Variants in CDH4 observed in about 807,000 individuals in gnomAD.
The protein encoded by CDH4 is cadherin 4, also known as cadherin-4.
A neutral mutation model predicts 86.0 loss-of-function variants in CDH4; 33 were observed. The ratio of observed to expected loss-of-function variants is 0.38; its 90% confidence interval spans 0.29 to 0.51. The LOEUF (loss-of-function observed/expected upper bound fraction) is 0.51. CDH4 is among the 20% of genes least tolerant of loss of function. The pLI, the probability that CDH4 is intolerant of heterozygous loss-of-function variation, is 0.86. For synonymous variants in CDH4, 555 were observed against 549.4 expected (o/e 1.01, Z -0.14); for missense variants, 1,114 against 1,307.4 (o/e 0.85, Z 2.28).
chr20:61,662,534 T>G (rs2087270023), intron 2 of CDH4, among the ~76,000 whole-genome samples: 1 of 152,028 alleles, frequency 6.6e-6, no homozygotes, highest in Admixed American at 6.5e-5. Flanking sequence ...AGCTGGGGGC[T>G]GGGGGGCACA....
At chr20:61,455,290 AG>A (rs1370612454) in intron 2 of CDH4, among the ~76,000 whole-genome samples, 1 of 152,248 alleles carries the variant, frequency 6.6e-6, no homozygotes, top group African/African-American at 2.4e-5. Flanking sequence ...CACAGCCACA[AG>A]GTCTATGGCT....
Position 61,623,588 on chromosome 20 carries a change from G to A in CDH4, c.170-119975G>A, listed in dbSNP as rs990790201. ...TCATCAAGAGCTAGACCCAGCGGCC[G>A]TGTTGTCTTTCCTCTACATGAGCAT... On this transcript the variant is annotated intron_variant, in intron 2 of 15. Transcript: ENST00000614565. This position sits in a 1 kb window ranked among gnomAD's most constrained non-coding sequence, Gnocchi z 4.4. 1.3e-5 allele frequency among the ~76,000 whole-genome samples: 2 copies of A among 152,136 alleles called. No individual in the cohort carries two copies. Among genetic ancestry groups the A allele is most frequent in the African/African-American group, 2.4e-5 (1 of 41,422 alleles).
chr20:61,354,366 AC>A, intron 2 of CDH4, among the ~76,000 whole-genome samples: 1 of 152,104 alleles, frequency 6.6e-6, no homozygotes, highest in African/African-American at 2.4e-5. Context: ...TGGCAACGTG[AC>A]CTCTCTGAAC....
intron 2 of CDH4, among the ~76,000 whole-genome samples, chr20:61,352,648 G>T (rs961596940): frequency 1.3e-5 from 2 of 152,194 alleles, no homozygotes; most frequent in African/African-American, 2.4e-5. Flanking sequence ...GCCGTTTCGT[G>T]TTTGAGCCTG....
chr20:61,500,904 G>A (rs1405154332), intron 2 of CDH4, among the ~76,000 whole-genome samples: 1 of 152,232 alleles, frequency 6.6e-6, no homozygotes, highest in Non-Finnish European at 1.5e-5. Flanking sequence ...CGCTCTTGAT[G>A]TGGAGGCAGG....
chr20:61,928,494 C>T, intron 12 of CDH4, 71 bp downstream of exon 12: 1 of 1,383,312 alleles, frequency 7.2e-7, no homozygotes, highest in Non-Finnish European at 1.0e-6. Context: ...ACCCAGCTGG[C>T]CTTGGAAGAG....
At chr20:61,489,259 A>G (rs2085612796) in intron 2 of CDH4, among the ~76,000 whole-genome samples, 1 of 152,266 alleles carries the variant, frequency 6.6e-6, no homozygotes, top group East Asian at 1.9e-4. Context: ...CTCCTGTTTG[A>G]GCAGATAGAA....
At chr20:61,430,255 G>A (rs773058888) in intron 2 of CDH4, among the ~76,000 whole-genome samples, 2 of 152,132 alleles carry the variant, frequency 1.3e-5, no homozygotes, top group African/African-American at 2.4e-5. Flanking sequence ...TGATTTTTAG[G>A]GCATGCCTTC....
chr20:61,564,987 G>A (rs1053396332), intron 2 of CDH4, among the ~76,000 whole-genome samples: 7 of 149,902 alleles, frequency 4.7e-5, no homozygotes, highest in Non-Finnish European at 8.9e-5. Context: ...TCACAGGAAA[G>A]CAGCCACCTG....
chr20:61,902,920 G>A lies in CDH4; in HGVS notation c.1189-7502G>A, dbSNP rs993278985. The stretch of plus-strand genomic sequence containing the variant: ...TGTAGCTCCAGCTACATGGGAGGCC[G>A]AGGCAGGAGGATCACTTGAGCCCAG... On this transcript the variant is annotated intron_variant, in intron 8 of 15. Transcript: ENST00000614565. The surrounding 1 kb of genome is among the most constrained non-coding windows in gnomAD (Gnocchi z 4.6). 1.3e-5 allele frequency among the ~76,000 whole-genome samples: 2 copies of A among 151,576 alleles called. No individual in the cohort carries two copies. The highest frequency in any genetic ancestry group is 4.9e-5 in the African/African-American group (2 of 41,108).
chr20:61,381,925 G>A (rs8115696), intron 2 of CDH4, among the ~76,000 whole-genome samples: 36,501 of 150,448 alleles, frequency 0.24, 4,796 homozygotes, highest in African/African-American at 0.34. Context: ...AAATACAAAA[G>A]ATTAGCCAGG....
chr20:61,934,879 C>CCTTCCAT (rs2055161516), intron 15 of CDH4, among the ~76,000 whole-genome samples: 1 of 152,274 alleles, frequency 6.6e-6, no homozygotes. Flanking sequence ...CACACCCCAG[C>CCTTCCAT]CTTCCATCTT....
intron 2 of CDH4, among the ~76,000 whole-genome samples, chr20:61,295,233 T>G (rs1421975267): frequency 6.6e-6 from 1 of 152,212 alleles, no homozygotes; most frequent in Non-Finnish European, 1.5e-5. Context: ...TCCTGGAAAA[T>G]TTTTTAATTT....
At chr20:61,520,022 T>C (rs1475477) in intron 2 of CDH4, among the ~76,000 whole-genome samples, 91,796 of 152,110 alleles carry the variant, frequency 0.6, 30,625 homozygotes, top group African/African-American at 0.9. Flanking sequence ...ACACACAGAC[T>C]TGCGTGTGTC....
At chr20:61,609,011 C>G (rs2086664961) in intron 2 of CDH4, among the ~76,000 whole-genome samples, 1 of 152,230 alleles carries the variant, frequency 6.6e-6, no homozygotes, top group Admixed American at 6.5e-5. Context: ...GCACAAGACC[C>G]TGAGCTCAGT....
At chr20:61,530,729 G>A (rs1463639530) in intron 2 of CDH4, among the ~76,000 whole-genome samples, 2 of 152,258 alleles carry the variant, frequency 1.3e-5, no homozygotes, top group Admixed American at 6.5e-5. Flanking sequence ...CGTGGATGCT[G>A]GATCCAGGAG....
At chr20:61,345,507 G>A (rs2084673774) in intron 2 of CDH4, among the ~76,000 whole-genome samples, 1 of 152,230 alleles carries the variant, frequency 6.6e-6, no homozygotes, top group South Asian at 2.1e-4. Context: ...GTGAGGACAA[G>A]GTAACCATGC....
At chr20:61,925,765 C>G (rs1189925901) in intron 11 of CDH4, among the ~76,000 whole-genome samples, 1 of 152,210 alleles carries the variant, frequency 6.6e-6, no homozygotes, top group Non-Finnish European at 1.5e-5. Flanking sequence ...CTGGGGCATC[C>G]TGACTGTGCC....
chr20:61,329,475 T>TTTAA (rs1167421178), intron 2 of CDH4, among the ~76,000 whole-genome samples: 1 of 136,670 alleles, frequency 7.3e-6, no homozygotes, highest in Non-Finnish European at 1.6e-5. Context: ...TTGAGGTGGC[T>TTTAA]GTGAGTGGCT....
Sources: allele counts gnomAD v4.1 joint callset (sites outside exome capture counted in the v4.1 genomes callset), GRCh38; gene constraint gnomAD v4.1.1; non-coding constraint Gnocchi (gnomAD v3.1); transcripts MANE v1.5; gene names NCBI Gene and HGNC (gene_info 2026-07-23, HGNC 2026-07-21).